Variants in XIAP observed in about 807,000 individuals in gnomAD.
XIAP encodes E3 ubiquitin-protein ligase XIAP.
A neutral mutation model predicts 33.1 loss-of-function variants in XIAP; 3 were observed. The ratio of observed to expected loss-of-function variants is 0.09; its 90% CI spans 0.04 to 0.23. The LOEUF (loss-of-function observed/expected upper bound fraction) is 0.23, where lower values mean the gene tolerates loss of function less well. Ranked by LOEUF, XIAP falls within the 10% of genes least tolerant of loss-of-function variation. The pLI, the probability that XIAP is intolerant of heterozygous loss-of-function variation, is 1.00. For synonymous variants in XIAP, 98 were observed against 121.3 expected (o/e 0.81, Z 1.26); for missense variants, 264 against 363.0 (o/e 0.73, Z 2.22).
rs758344206 is a variant in XIAP at position 123,912,741 on chromosome X, A to G, written c.*5560A>G. 4 of 325,038 alleles carry G rather than the reference A, an allele frequency of 1.2e-5. No homozygotes were observed. Among genetic ancestry groups the G allele is most frequent in the East Asian group, 9.9e-5 (1 of 10,149 alleles). 26.8% of individuals were successfully genotyped at this position (325,038 alleles called of 1,213,427 possible). On this transcript the variant is annotated 3_prime_UTR_variant, in exon 7 of 7. Coordinates refer to ENST00000371199, the MANE Select transcript of XIAP (RefSeq NM_001167.4). ...ACTGTGTTGCCCAGGATGGAGTGCA[A>G]TGGCACAATCTTGGCTCATGGCAAA...
intron 1 of XIAP, among the ~76,000 whole-genome samples, chrX:123,860,748 A>C (rs748005644): frequency 1.8e-5 from 2 of 111,570 alleles, no homozygotes; most frequent in Non-Finnish European, 3.8e-5. Flanking sequence ...CCTTTCCGGC[A>C]TGTTCTGTAA....
rs1328589595 is a variant in XIAP at position 123,890,086 on chromosome X, G to A, written c.978-1152G>A. Among the ~76,000 whole-genome samples, 11 of 78,025 alleles carry A rather than the reference G, an allele frequency of 1.4e-4. No individual in the cohort carries two copies. In the Admixed American group the frequency reaches 1.9e-3, roughly 14 times the overall value. 67.8% of individuals were successfully genotyped at this position (78,025 alleles called of 115,157 possible). ...GGCTGGAGTGCAGTGGTGCGATCTC[G>A]GCTCACTGCAAGCTCCGCCTCCCGG... On this transcript the variant is annotated intron_variant, in intron 3 of 6. Coordinates refer to ENST00000371199, the MANE Select transcript of XIAP (RefSeq NM_001167.4).
chrX:123,895,540 G>A (rs1394294707), intron 5 of XIAP, among the ~76,000 whole-genome samples: 1 of 111,856 alleles, frequency 8.9e-6, no homozygotes, highest in Non-Finnish European at 1.9e-5. Context: ...GATTTCCAAA[G>A]TGACTGCACC....
At chrX:123,867,339 G>A (rs1602529110) in intron 1 of XIAP, among the ~76,000 whole-genome samples, 1 of 107,038 alleles carries the variant, frequency 9.3e-6, no homozygotes, top group East Asian at 2.9e-4. Context: ...GATTACAAGT[G>A]TGAGCCACTG....
chrX:123,863,024 A>G (rs1181267942), intron 1 of XIAP, among the ~76,000 whole-genome samples: 1 of 110,784 alleles, frequency 9.0e-6, no homozygotes, highest in Non-Finnish European at 1.9e-5. Context: ...TGGGAGGTGG[A>G]GGCTGCAGTG....
Position 123,899,163 on chromosome X carries a change from ATATGATTT to A in XIAP, c.1100-1326_1100-1319del, listed in dbSNP as rs1450398587. ...AAAAAAAATATATATATATATATAT[ATATGATTT>A]TATATATATATGATTTTATATATAT... On this transcript the variant is annotated intron_variant, in intron 5 of 6. Coordinates refer to ENST00000371199, the MANE Select transcript of XIAP (RefSeq NM_001167.4). Among the ~76,000 whole-genome samples, 67 of 34,668 alleles carry A rather than the reference ATATGATTT, an allele frequency of 1.9e-3. 7 individuals are homozygous for A. Among genetic ancestry groups the A allele is most frequent in the Non-Finnish European group, 3.1e-3 (62 of 19,708 alleles). The allele number at this position is 34,668 out of a possible 115,157, so 30.1% of individuals were successfully genotyped here.
At chrX:123,876,450 TCA>T (rs2053245078) in intron 1 of XIAP, among the ~76,000 whole-genome samples, 1 of 111,317 alleles carries the variant, frequency 9.0e-6, no homozygotes, top group African/African-American at 3.3e-5. Flanking sequence ...ACGCCTATAA[TCA>T]CAACACTTTG....
intron 1 of XIAP, among the ~76,000 whole-genome samples, chrX:123,862,084 AT>A (rs897011525): frequency 4.3e-4 from 46 of 107,013 alleles, no homozygotes; most frequent in African/African-American, 1.3e-3. Context: ...TAATTAATTA[AT>A]TTTTTTTTTT....
chrX:123,864,960 G>A (rs2053120575), intron 1 of XIAP, among the ~76,000 whole-genome samples: 1 of 105,610 alleles, frequency 9.5e-6, no homozygotes, highest in African/African-American at 3.5e-5. Context: ...GGGATTACAG[G>A]CGCGAGCCAT....
In XIAP at chrX:123,909,121, T is replaced by C. The variant is rs755490620; in HGVS notation, c.*1940T>C. ...TCTGCTCACTGCAACCTCCGCCTTCTGGGTTCAAGCGATTCTCGTGCCTCA... is the reference window on the plus strand; with the variant it reads ...TCTGCTCACTGCAACCTCCGCCTTCCGGGTTCAAGCGATTCTCGTGCCTCA... On this transcript the variant is annotated 3_prime_UTR_variant, in exon 7 of 7. Coordinates refer to ENST00000371199, the MANE Select transcript of XIAP (RefSeq NM_001167.4). 2.4e-4 allele frequency: 65 copies of C among 271,481 alleles called. No individual in the cohort carries two copies. Among genetic ancestry groups the C allele is most frequent in the Non-Finnish European group, 3.7e-4 (54 of 146,029 alleles). The allele number at this position is 271,481 out of a possible 1,213,427, so 22.4% of individuals were successfully genotyped here.
chrX:123,859,972 G>A (rs2053062825), upstream of XIAP: 15 of 288,048 alleles, frequency 5.2e-5, no homozygotes, highest in South Asian at 3.3e-4. Flanking sequence ...TGACCTCCCG[G>A]CCGGGGGTGG....
rs1029315823 is a variant in XIAP, at chrX:123,895,169, A to G, written c.1099+2396A>G. ...ACCCTACCCCTAGGCCAGGGCAACC[A>G]GTAATCTACTTTCTGTCTCTATGGA... On this transcript the variant is annotated intron_variant, in intron 5 of 6. Transcript: ENST00000371199. Among the ~76,000 whole-genome samples, 7 of 111,312 alleles carry G rather than the reference A, an allele frequency of 6.3e-5. No homozygotes were observed. In the Admixed American group the frequency reaches 6.8e-4, roughly 11 times the overall value.
chrX:123,883,407 A>G (rs1387687126), intron 1 of XIAP, among the ~76,000 whole-genome samples: 5 of 109,170 alleles, frequency 4.6e-5, no homozygotes, highest in Non-Finnish European at 7.6e-5. Context: ...TTTTTTAAAA[A>G]CCAGATGTAA....
intron 5 of XIAP, among the ~76,000 whole-genome samples, chrX:123,899,400 AAT>A (rs1351364895): frequency 9.6e-6 from 1 of 104,261 alleles, no homozygotes; most frequent in African/African-American, 3.4e-5. Flanking sequence ...ATATATATTA[AAT>A]ATGTGTTAAA....
At chrX:123,880,566 A>G (rs1456464456) in intron 1 of XIAP, among the ~76,000 whole-genome samples, 1 of 107,035 alleles carries the variant, frequency 9.3e-6, no homozygotes, top group Non-Finnish European at 1.9e-5. Context: ...TTGAAACCCC[A>G]TCTCTTCTAA....
At chrX:123,861,287 C>G (rs2053077038) in intron 1 of XIAP, among the ~76,000 whole-genome samples, 1 of 111,622 alleles carries the variant, frequency 9.0e-6, no homozygotes, top group South Asian at 3.7e-4. Flanking sequence ...GCAATTGCTC[C>G]ATATCGCCTC....
chrX:123,873,530 G>A (rs2053214353), intron 1 of XIAP, among the ~76,000 whole-genome samples: 1 of 107,197 alleles, frequency 9.3e-6, no homozygotes, highest in Admixed American at 1.0e-4. Context: ...GCTCACGCCT[G>A]TAATCCCAGC....
Position 123,907,381 on chromosome X carries a change from T to C in XIAP, c.*200T>C. The C allele has an allele frequency of 2.0e-6, 1 of 493,425 alleles. No individual in the cohort carries two copies. The highest frequency in any genetic ancestry group is 3.6e-6 in the Non-Finnish European group (1 of 278,260). 40.7% of individuals were successfully genotyped at this position (493,425 alleles called of 1,213,427 possible). On this transcript the variant is annotated 3_prime_UTR_variant, in exon 7 of 7. Transcript: ENST00000371199. ...TCAGGGTATTAGCTGTATTATCCAT[T>C]TTTTTTACTGTTATTTAATTGAAAC...
In XIAP at chrX:123,912,147, A is replaced by G. The variant is rs1239153832; in HGVS notation, c.*4966A>G. 3.1e-6 allele frequency: 1 copy of G among 321,037 alleles called. No individual in the cohort carries two copies. The highest frequency in any genetic ancestry group is 9.9e-5 in the East Asian group (1 of 10,090). The allele number at this position is 321,037 out of a possible 1,213,427, so 26.5% of individuals were successfully genotyped here. On this transcript the variant is annotated 3_prime_UTR_variant, in exon 7 of 7. Transcript: ENST00000371199. ...TAATAGGACAATCATCAATGCATAT[A>G]TAGCCAGCCCTTCATATCTGTGGGT...
Sources: gnomAD v4.1 joint callset for allele counts (sites outside exome capture counted in the v4.1 genomes callset) on GRCh38, gnomAD v4.1.1 for gene constraint, MANE v1.5 for transcripts, NCBI Gene and HGNC (gene_info 2026-07-23, HGNC 2026-07-21) for gene names.